The following PTPRK variants were observed in gnomAD, a reference collection of about 807,000 sequenced individuals.
PTPRK encodes the protein protein tyrosine phosphatase receptor type K, also known as receptor-type tyrosine-protein phosphatase kappa.
PTPRK carries 75 observed loss-of-function variants against 178.0 expected under a neutral mutation model. The observed-to-expected ratio is 0.42, with a 90% CI of 0.35 to 0.51. PTPRK has a LOEUF of 0.51. Ranked by LOEUF, PTPRK falls within the 20% of genes least tolerant of loss-of-function variation. The pLI, the probability that PTPRK is intolerant of heterozygous loss-of-function variation, is 0.02. For synonymous variants in PTPRK, 637 were observed against 620.6 expected (o/e 1.03, Z -0.39); for missense variants, 1,441 against 1,797.8 (o/e 0.80, Z 3.59).
chr6:128,411,729 C>A (rs928961774), intron 1 of PTPRK, among the ~76,000 whole-genome samples: 5 of 152,128 alleles, frequency 3.3e-5, no homozygotes, highest in African/African-American at 1.2e-4. Context: ...AATTACTTAA[C>A]ACAGTTCACA....
intron 13 of PTPRK, among the ~76,000 whole-genome samples, chr6:128,056,093 A>G (rs1045540663): frequency 1.3e-5 from 2 of 148,350 alleles, no homozygotes; most frequent in African/African-American, 5.0e-5. Context: ...GATTGTTGCT[A>G]ATAGTGAGCA....
chr6:128,189,332 C>T (rs1420161833), intron 6 of PTPRK, among the ~76,000 whole-genome samples: 4 of 147,838 alleles, frequency 2.7e-5, no homozygotes, highest in Admixed American at 6.9e-5. Flanking sequence ...CTCTGCCTCC[C>T]GGGTTCAAGC....
intron 2 of PTPRK, among the ~76,000 whole-genome samples, chr6:128,327,883 G>C (rs1030177793): frequency 6.6e-6 from 1 of 152,206 alleles, no homozygotes; most frequent in Admixed American, 6.5e-5. Context: ...AGAAGGTGCA[G>C]TTGCAGCTCA....
intron 3 of PTPRK, among the ~76,000 whole-genome samples, chr6:128,292,341 G>A (rs1476808284): frequency 6.6e-6 from 1 of 151,910 alleles, no homozygotes; most frequent in African/African-American, 2.4e-5. Flanking sequence ...ATTTAGAAAA[G>A]TCCAAATGCA....
Position 128,010,875 on chromosome 6 carries a change from C to T in PTPRK, c.2195-1607G>A, listed in dbSNP as rs1033501723. On this transcript the variant is annotated intron_variant, in intron 13 of 29. Transcript: ENST00000368226. ...AAACTAAGGGAGATTCCCTTTCTGA[C>T]TTGACACTTTCCATATATTCCGGCT... Among the ~76,000 whole-genome samples the T allele has an allele frequency of 2.0e-5, 3 of 151,140 alleles. No homozygotes were observed. The Admixed American group carries it at 2.0e-4, about 10-fold the overall frequency.
chr6:128,449,513 T>TA (rs138034028), intron 1 of PTPRK, among the ~76,000 whole-genome samples: 1,847 of 152,092 alleles, frequency 0.012, 15 homozygotes, highest in Non-Finnish European at 0.02. Flanking sequence ...GAAACCTGGA[T>TA]AAAAAAATGA....
Position 128,397,599 on chromosome 6 carries a change from C to A in PTPRK, c.190G>T (p.Glu64Ter). 6.2e-7 allele frequency: 1 copy of A among 1,613,930 alleles called. No homozygotes were observed. Among genetic ancestry groups the A allele is most frequent in the Non-Finnish European group, 8.5e-7 (1 of 1,179,928 alleles). The stretch of plus-strand genomic sequence containing the variant: ...ATCTCGGGTGGTAGATAATGAGGCT[C>A]TTGAGCACTAACATGCACCCATTCA... ...DFEWVHVSAQ[E>*]PHYLPPEMPQ... Residue 64 changes from glutamate to a stop codon, truncating the protein, a stop_gained, in exon 2 of 30, where the codon GAG becomes TAG. Coordinates refer to ENST00000368226, the MANE Select transcript of PTPRK (RefSeq NM_002844.4). LOFTEE classifies it high-confidence loss of function.
chr6:128,222,300 C>G (rs1230576586), intron 5 of PTPRK, among the ~76,000 whole-genome samples: 1 of 152,206 alleles, frequency 6.6e-6, no homozygotes, highest in Admixed American at 6.5e-5. Flanking sequence ...AAGGAGGGTA[C>G]ATTTTATGGT....
chr6:128,047,561 G>A (rs1257884154), intron 13 of PTPRK, among the ~76,000 whole-genome samples: 1 of 151,994 alleles, frequency 6.6e-6, no homozygotes, highest in East Asian at 1.9e-4. Context: ...TTCCACCAAA[G>A]TACCTATGGC....
intron 3 of PTPRK, among the ~76,000 whole-genome samples, chr6:128,259,067 GA>G (rs1294560177): frequency 6.6e-6 from 1 of 152,106 alleles, no homozygotes; most frequent in African/African-American, 2.4e-5. Flanking sequence ...GGGAAGCTGG[GA>G]GAAGTGTGGG....
intron 7 of PTPRK, among the ~76,000 whole-genome samples, chr6:128,106,648 T>C (rs1416651098): frequency 6.6e-6 from 1 of 152,200 alleles, no homozygotes; most frequent in African/African-American, 2.4e-5. Context: ...ACCCACTCAT[T>C]TTCATACATG....
rs201874890 is a variant in PTPRK at position 128,067,565 on chromosome 6, C to T, written c.2111G>A (p.Arg704His). Reference sequence around the variant, plus strand: ...CTGGAAATAGATGTTGTATCCTTTGCGCGGAGCCAAAGGAGGGTTCCAAAA... The same window carrying T: ...CTGGAAATAGATGTTGTATCCTTTGTGCGGAGCCAAAGGAGGGTTCCAAAA... ...QGFWNPPLAP[R>H]KGYNIYFQAM... is the part of the protein sequence containing the mutation. Residue 704 changes from arginine to histidine, a missense_variant, in exon 12 of 30, where the codon CGC (arginine) becomes CAC (histidine). By Grantham distance (29) the Arg-to-His change is conservative. Transcript: ENST00000368226. 2.5e-5 allele frequency: 41 copies of T among 1,608,724 alleles called. No individual in the cohort carries two copies. The highest frequency in any genetic ancestry group is 3.3e-5 in the Admixed American group (2 of 59,770).
intron 2 of PTPRK, among the ~76,000 whole-genome samples, chr6:128,340,460 C>G (rs753098077): frequency 6.6e-6 from 1 of 152,174 alleles, no homozygotes; most frequent in Admixed American, 6.5e-5. Flanking sequence ...AAAGCATGCT[C>G]TGTTAATTCA....
intron 1 of PTPRK, among the ~76,000 whole-genome samples, chr6:128,503,998 A>G (rs1855948775): frequency 6.6e-6 from 1 of 152,112 alleles, no homozygotes; most frequent in Admixed American, 6.6e-5. Flanking sequence ...TGCCAACAAG[A>G]CCATATTAAG....
chr6:128,105,243 G>C (rs181179014), intron 7 of PTPRK, among the ~76,000 whole-genome samples: 1,782 of 151,006 alleles, frequency 0.012, 39 homozygotes, highest in African/African-American at 0.041. Flanking sequence ...GCGCCATTCT[G>C]CTGCCTCAGC....
Position 128,146,666 on chromosome 6 carries a change from G to T in PTPRK, c.1162+37766C>A, listed in dbSNP as rs559074497. ...ACCATGTTTGATTTCCTGACCTCGT[G>T]ATCCGCCCACCTCAACCTCCCAAAG... On this transcript the variant is annotated intron_variant, in intron 7 of 29. Transcript: ENST00000368226. 1.0e-3 allele frequency among the ~76,000 whole-genome samples: 154 copies of T among 151,956 alleles called. 1 individual carries two copies. Among genetic ancestry groups the T allele is most frequent in the South Asian group, 4.6e-3 (22 of 4,802 alleles).
chr6:128,355,507 T>C (rs1214260699), intron 2 of PTPRK, among the ~76,000 whole-genome samples: 1 of 152,120 alleles, frequency 6.6e-6, no homozygotes, highest in Non-Finnish European at 1.5e-5. Context: ...TACCGAATAT[T>C]AATAATATAC....
chr6:128,168,218 T>C (rs2114632792), intron 7 of PTPRK, among the ~76,000 whole-genome samples: 1 of 152,198 alleles, frequency 6.6e-6, no homozygotes, highest in Non-Finnish European at 1.5e-5. Context: ...TTTCTTGCAT[T>C]TTGATTGAAA....
At chr6:127,990,714 A>T in intron 21 of PTPRK, 55 bp downstream of exon 21, 2 of 1,152,594 alleles carry the variant, frequency 1.7e-6, no homozygotes, top group South Asian at 1.3e-5. Flanking sequence ...CAAAGATTTT[A>T]AGAGAAAAAG....
Sources: gnomAD v4.1 joint callset for allele counts (sites outside exome capture counted in the v4.1 genomes callset) on GRCh38, gnomAD v4.1.1 for gene constraint, MANE v1.5 for transcripts, NCBI Gene and HGNC (gene_info 2026-07-23, HGNC 2026-07-21) for gene names.